Variants in ZNF365 observed in about 807,000 individuals in gnomAD.
ZNF365 encodes protein ZNF365.
ZNF365 carries 22 observed loss-of-function variants against 35.0 expected under a neutral mutation model. The observed-to-expected ratio is 0.63, with a 90% CI of 0.45 to 0.90. The LOEUF is 0.90. Among genes scored for constraint, ZNF365 ranks in the 40% least tolerant of loss-of-function variants. The pLI is 0.00. For synonymous variants in ZNF365, 188 were observed against 196.2 expected (o/e 0.96, Z 0.35); for missense variants, 448 against 500.3 (o/e 0.90, Z 1.00).
At chr10:62,480,112 T>C in exon 5 of ZNF365, 2 of 1,335,072 alleles carry the variant, frequency 1.5e-6, no homozygotes, top group Non-Finnish European at 1.9e-6. Context: ...CTAACAAGAC[T>C]GCAGACTTCC....
chr10:62,419,028 AAATT>A (rs56046763), intron 3 of ZNF365, among the ~76,000 whole-genome samples: 92,896 of 151,428 alleles, frequency 0.61, 29,159 homozygotes, highest in East Asian at 0.84. Flanking sequence ...TATACCCTGG[AAATT>A]TATTGCCAAT....
intron 3 of ZNF365, among the ~76,000 whole-genome samples, chr10:62,408,670 C>T (rs1304773499): frequency 2.6e-5 from 4 of 152,120 alleles, no homozygotes; most frequent in Non-Finnish European, 4.4e-5. Context: ...CAAATACTAA[C>T]AGCATCTGTT....
chr10:62,429,877 C>T (rs1589450179), intron 3 of ZNF365, among the ~76,000 whole-genome samples: 1 of 152,158 alleles, frequency 6.6e-6, no homozygotes. Flanking sequence ...ACTAGCGTTA[C>T]TCACCAAAGA....
intron 3 of ZNF365, among the ~76,000 whole-genome samples, chr10:62,393,990 A>G (rs79819602): frequency 0.016 from 2,472 of 152,292 alleles, 69 homozygotes; most frequent in African/African-American, 0.057. Flanking sequence ...GCTTTGAACC[A>G]TAGTCAGACA....
intron 3 of ZNF365, among the ~76,000 whole-genome samples, chr10:62,448,840 G>A (rs992391602): frequency 7.9e-5 from 12 of 151,966 alleles, no homozygotes; most frequent in African/African-American, 2.7e-4. Context: ...TTAAATAAAA[G>A]CAAAAGCAAA....
At chr10:62,469,391 A>G (rs543466115) in intron 4 of ZNF365, among the ~76,000 whole-genome samples, 2 of 152,318 alleles carry the variant, frequency 1.3e-5, no homozygotes, top group East Asian at 3.9e-4. Flanking sequence ...TCTTAAAAAA[A>G]TCTGTAAAGG....
intron 2 of ZNF365, among the ~76,000 whole-genome samples, chr10:62,384,454 A>C (rs920331866): frequency 1.3e-5 from 2 of 152,218 alleles, no homozygotes; most frequent in African/African-American, 2.4e-5. Flanking sequence ...ATGCTAACGT[A>C]AATAACATAT....
At chr10:62,447,279 C>G (rs760589834) in intron 3 of ZNF365, among the ~76,000 whole-genome samples, 2 of 152,136 alleles carry the variant, frequency 1.3e-5, no homozygotes, top group East Asian at 3.9e-4. Flanking sequence ...TACAAGCTAA[C>G]CTAATCTACT....
At chr10:62,469,051 C>T (rs953342546) in intron 4 of ZNF365, among the ~76,000 whole-genome samples, 33 of 152,186 alleles carry the variant, frequency 2.2e-4, no homozygotes, top group Non-Finnish European at 4.4e-4. Flanking sequence ...GTGGAAGCGA[C>T]CCATTCACAG....
At chr10:62,440,733 C>T (rs17312550) in intron 3 of ZNF365, among the ~76,000 whole-genome samples, 20,071 of 152,174 alleles carry the variant, frequency 0.13, 1,590 homozygotes, top group Middle Eastern at 0.21. Context: ...TGCTGAAATC[C>T]GATTCCTGGT....
intron 2 of ZNF365, among the ~76,000 whole-genome samples, chr10:62,384,107 CTTTT>C (rs79894933): frequency 6.9e-6 from 1 of 144,214 alleles, no homozygotes. Context: ...AATATTTGGC[CTTTT>C]TTTTTTTTTT....
chr10:62,377,254 G>A lies in ZNF365; in HGVS notation c.743+318G>A, dbSNP rs200034708. On this transcript the variant is annotated intron_variant, in intron 2 of 4. Coordinates refer to ENST00000395254, the MANE Select transcript of ZNF365 (RefSeq NM_014951.3). Reference sequence around the variant, plus strand: ...GGATCCATTCCTAGCACCAAATGGCGTGCAAGGGTGAGTTGAATGGGAAGG... The same window carrying A: ...GGATCCATTCCTAGCACCAAATGGCATGCAAGGGTGAGTTGAATGGGAAGG... Among the ~76,000 whole-genome samples the A allele has an allele frequency of 7.9e-5, 12 of 152,326 alleles. No homozygotes were observed. The South Asian group carries it at 1.4e-3, about 18-fold the overall frequency.
In ZNF365 at chr10:62,402,013, A is replaced by G. The variant is rs997901477; in HGVS notation, c.*2224A>G. The G allele has an allele frequency of 5.1e-5, 50 of 985,548 alleles. No individual in the cohort carries two copies. The highest frequency in any genetic ancestry group is 4.2e-5 in the Non-Finnish European group (35 of 829,932). 61.1% of individuals were successfully genotyped at this position (985,548 alleles called of 1,614,324 possible). On this transcript the variant is annotated 3_prime_UTR_variant, in exon 5 of 5. Transcript: ENST00000395254. ...AGAGACATAAATTTAGTGTCAAAAC[A>G]TGGGAGATGGCTTACTCAGAAGCAT...
intron 4 of ZNF365, among the ~76,000 whole-genome samples, chr10:62,462,187 C>T (rs896109963): frequency 6.6e-6 from 1 of 152,168 alleles, no homozygotes; most frequent in Non-Finnish European, 1.5e-5. Flanking sequence ...GCCACTACCT[C>T]CCCTCCCACA....
chr10:62,479,927 G>A (rs1841195776), exon 5 of ZNF365: 2 of 1,612,680 alleles, frequency 1.2e-6, no homozygotes, highest in Non-Finnish European at 1.7e-6. Context: ...TCTGGATGAG[G>A]ACTTGGATCA....
At chr10:62,397,242 TCCTATCTTGTCTCCTCATGAC>T (rs1839743881) in intron 3 of ZNF365, among the ~76,000 whole-genome samples, 3 of 151,370 alleles carry the variant, frequency 2.0e-5, no homozygotes, top group Admixed American at 2.0e-4. Flanking sequence ...AACACAAGAA[TCCTATCTTGTCTCCTCATGAC>T]CTGAGCCTCC....
At position 62,450,962 on chromosome 10, in the gene ZNF365, T is replaced by C. The variant is rs570664471; in HGVS notation, c.925-8779T>C. Among the ~76,000 whole-genome samples the C allele has an allele frequency of 1.1e-3, 174 of 152,326 alleles. 1 individual carries two copies. Among genetic ancestry groups the C allele is most frequent in the South Asian group, 0.011 (53 of 4,826 alleles). On this transcript the variant is annotated intron_variant, in intron 3 of 4. Transcript: ENST00000395255. ...TTATCTTTTCTGAAACCAACCGTTT[T>C]TGAACAAGAGCACAATCTGTAGATT...
chr10:62,472,546 C>T (rs1380898015), intron 4 of ZNF365, among the ~76,000 whole-genome samples: 1 of 152,134 alleles, frequency 6.6e-6, no homozygotes, highest in Non-Finnish European at 1.5e-5. Context: ...CCAAGGAACA[C>T]CTGATGATTG....
chr10:62,478,925 G>C (rs555377163), intron 4 of ZNF365, among the ~76,000 whole-genome samples: 9 of 152,308 alleles, frequency 5.9e-5, no homozygotes, highest in Admixed American at 5.2e-4. Flanking sequence ...TAGGCTAGTA[G>C]TTCTATTGGT....
Sources: allele counts gnomAD v4.1 joint callset (sites outside exome capture counted in the v4.1 genomes callset), GRCh38; gene constraint gnomAD v4.1.1; transcripts MANE v1.5; gene names NCBI Gene and HGNC (gene_info 2026-07-23, HGNC 2026-07-21).